Variants in RBBP8 observed in about 807,000 individuals in gnomAD.
RBBP8 encodes RB binding protein 8, endonuclease.
Under a neutral mutation model 108.3 loss-of-function variants are expected in RBBP8, and 88 were observed. That is an observed-to-expected ratio of 0.81 (90% CI 0.68 to 0.97). RBBP8 has a LOEUF of 0.97. Ranked by LOEUF, RBBP8 falls within the 50% of genes least tolerant of loss-of-function variation. The pLI is 0.00. For synonymous variants in RBBP8, 332 were observed against 348.2 expected (o/e 0.95, Z 0.52); for missense variants, 1,023 against 1,049.0 (o/e 0.98, Z 0.34).
At chr18:22,967,242 G>A (rs1038557620) in intron 4 of RBBP8, among the ~76,000 whole-genome samples, 17 of 151,588 alleles carry the variant, frequency 1.1e-4, no homozygotes, top group Non-Finnish European at 8.8e-5. Context: ...GGCGGGCACC[G>A]GTAGTCCCAG....
intron 17 of RBBP8, 115 bp from the exon 18 acceptor site, chr18:23,022,014 T>G: frequency 1.2e-6 from 1 of 840,092 alleles, no homozygotes; most frequent in East Asian, 2.4e-5. Context: ...TTAAGTTTCC[T>G]TAGACTGCTG....
intron 10 of RBBP8, among the ~76,000 whole-genome samples, chr18:22,992,400 T>G (rs1915760813): frequency 6.6e-6 from 1 of 152,192 alleles, no homozygotes; most frequent in South Asian, 2.1e-4. Context: ...TTCACCATGT[T>G]AGCCAGGCTG....
intron 4 of RBBP8, among the ~76,000 whole-genome samples, chr18:22,962,220 C>G (rs35942215): frequency 0.017 from 2,647 of 152,168 alleles, 85 homozygotes; most frequent in African/African-American, 0.06. Flanking sequence ...GCCCTCAGTA[C>G]CCTTCTGACT....
At chr18:22,956,086 C>A (rs148783573) in intron 4 of RBBP8, among the ~76,000 whole-genome samples, 5 of 151,874 alleles carry the variant, frequency 3.3e-5, no homozygotes, top group African/African-American at 1.2e-4. Flanking sequence ...TAGTCTGTTT[C>A]CTTGGAAGGT....
At chr18:23,011,422 C>T (rs1203493598) in intron 16 of RBBP8, among the ~76,000 whole-genome samples, 3 of 145,200 alleles carry the variant, frequency 2.1e-5, no homozygotes, top group African/African-American at 5.1e-5. Flanking sequence ...GTTCTGTGAT[C>T]AGTGATCTTT....
intron 1 of RBBP8, among the ~76,000 whole-genome samples, chr18:22,915,122 G>A (rs1435353915): frequency 6.6e-6 from 1 of 151,954 alleles, no homozygotes; most frequent in Non-Finnish European, 1.5e-5. Flanking sequence ...ATGTCTTCTA[G>A]GGCATTTAAT....
At chr18:22,975,530 C>T (rs1346437920) in intron 6 of RBBP8, among the ~76,000 whole-genome samples, 1 of 151,988 alleles carries the variant, frequency 6.6e-6, no homozygotes, top group Non-Finnish European at 1.5e-5. Flanking sequence ...CCCTTCCAGC[C>T]CTGTCCCAGA....
In RBBP8 at chr18:23,016,749, AT is replaced by A. The variant is rs571021533; in HGVS notation, c.2358-78del. 166 of 1,107,108 alleles carry A rather than the reference AT, an allele frequency of 1.5e-4. 1 individual carries two copies. In the African/African-American group the frequency reaches 2.1e-3, roughly 14 times the overall value. 68.6% of individuals were successfully genotyped at this position (1,107,108 alleles called of 1,614,324 possible). On this transcript the variant is annotated intron_variant, in intron 16 of 18. Coordinates refer to ENST00000327155, the MANE Select transcript of RBBP8 (RefSeq NM_002894.3). ...CTAACATACTGAATAAACATTTCAAATAAAAATGAATGAATGTTTTGGGGAT... is the reference window on the plus strand; with the variant it reads ...CTAACATACTGAATAAACATTTCAAAAAAAATGAATGAATGTTTTGGGGAT...
chr18:22,996,044 A>G (rs542588890), intron 12 of RBBP8, among the ~76,000 whole-genome samples: 72 of 152,218 alleles, frequency 4.7e-4, no homozygotes, highest in Admixed American at 1.4e-3. Context: ...CCTCACTAGC[A>G]CTTGTTATAG....
chr18:22,939,333 C>G (rs1910855100), intron 2 of RBBP8, among the ~76,000 whole-genome samples: 1 of 152,070 alleles, frequency 6.6e-6, no homozygotes, highest in South Asian at 2.1e-4. Context: ...ATAGAGAAAC[C>G]CTGTCTCTAC....
At position 23,024,040 on chromosome 18, in the gene RBBP8, ATT is replaced by A. The variant is rs35157427; in HGVS notation, c.2596+1791_2596+1792del. ...AGGCACATGCCACCATACCCAGCCT[ATT>A]TTTTTTTTTTTTTTTTTTTTCTAGT... On this transcript the variant is annotated intron_variant, in intron 18 of 18. Transcript: ENST00000327155. Among the ~76,000 whole-genome samples the A allele has an allele frequency of 4.7e-3, 482 of 102,908 alleles. 3 individuals carry two copies. The highest frequency in any genetic ancestry group is 0.017 in the African/African-American group (452 of 26,608). 67.5% of individuals were successfully genotyped at this position (102,908 alleles called of 152,430 possible). A position where few individuals can be genotyped will look rare whatever the true frequency, so the allele number is the denominator to read the frequency against.
intron 8 of RBBP8, among the ~76,000 whole-genome samples, chr18:22,987,718 T>G (rs939887380): frequency 6.6e-6 from 1 of 152,222 alleles, no homozygotes; most frequent in Admixed American, 6.5e-5. Context: ...CCTGCCAAAG[T>G]GTTGGGATTA....
At chr18:22,928,291 A>G (rs751829245) in intron 3 of RBBP8, among the ~76,000 whole-genome samples, 12 of 152,140 alleles carry the variant, frequency 7.9e-5, no homozygotes, top group Non-Finnish European at 1.6e-4. Flanking sequence ...CACAAAAATA[A>G]TTACAATATA....
At chr18:22,943,256 C>A (rs138808616) in intron 2 of RBBP8, among the ~76,000 whole-genome samples, 2 of 150,804 alleles carry the variant, frequency 1.3e-5, no homozygotes, top group East Asian at 1.9e-4. Flanking sequence ...GACAACAAAG[C>A]GAGACCCTGT....
chr18:23,015,592 GTCTTACATTTAGT>G (rs2046241751), intron 16 of RBBP8, among the ~76,000 whole-genome samples: 2 of 151,494 alleles, frequency 1.3e-5, no homozygotes, highest in South Asian at 4.2e-4. Context: ...ATAGTTTTGG[GTCTTACATTTAGT>G]TCTTTGACTC....
chr18:22,935,032 T>C (rs2144384750), intron 1 of RBBP8, among the ~76,000 whole-genome samples: 1 of 149,902 alleles, frequency 6.7e-6, no homozygotes, highest in South Asian at 2.1e-4. Flanking sequence ...GGGAAACAAA[T>C]GGTGACTTTT....
Position 22,959,735 on chromosome 18 carries a change from TTTGTGTGTGTGTG to T in RBBP8, c.249-9069_249-9057del, listed in dbSNP as rs1355791926. 5.3e-5 allele frequency among the ~76,000 whole-genome samples: 8 copies of T among 151,948 alleles called. No individual in the cohort carries two copies. In the South Asian group the frequency reaches 8.3e-4, roughly 16 times the overall value. ...CTGTATATTTATATGTGTGTGTGTG[TTTGTGTGTGTGTG>T]TGTGTATACTCTTGTTTTATGGCTG... On this transcript the variant is annotated intron_variant, in intron 4 of 18. Transcript: ENST00000327155.
At chr18:22,996,763 GA>G (rs1481790536) in intron 13 of RBBP8, among the ~76,000 whole-genome samples, 1 of 152,174 alleles carries the variant, frequency 6.6e-6, no homozygotes, top group East Asian at 1.9e-4. Context: ...CTGGGAGGTC[GA>G]AGAGAGAGAA....
intron 3 of RBBP8, among the ~76,000 whole-genome samples, chr18:22,927,379 A>G (rs1226404283): frequency 6.6e-6 from 1 of 152,230 alleles, no homozygotes; most frequent in Non-Finnish European, 1.5e-5. Context: ...CAGCACAAAT[A>G]GCAGAAATAA....
Sources: allele counts gnomAD v4.1 joint callset (sites outside exome capture counted in the v4.1 genomes callset), GRCh38; gene constraint gnomAD v4.1.1; transcripts MANE v1.5; gene names NCBI Gene and HGNC (gene_info 2026-07-23, HGNC 2026-07-21).